APBB2: variants seen among roughly 807,000 people sequenced by gnomAD.
APBB2 encodes amyloid beta precursor protein binding family B member 2, also known as Fe65-like 1.
APBB2 carries 38 observed loss-of-function variants against 82.5 expected under a neutral mutation model. The observed-to-expected ratio is 0.46, with a 90% CI of 0.36 to 0.60. APBB2 has a LOEUF of 0.60. Ranked by LOEUF, APBB2 falls within the 20% of genes least tolerant of loss-of-function variation. The pLI, the probability that APBB2 is intolerant of heterozygous loss-of-function variation, is 0.00. For synonymous variants in APBB2, 341 were observed against 368.2 expected, an observed-to-expected ratio of 0.93 and a Z score of 0.85; for missense variants, 772 against 972.3, an observed-to-expected ratio of 0.79 and a Z score of 2.74.
At chr4:40,848,803 G>C (rs1200498765) in intron 12 of APBB2, 2 of 959,916 alleles carry the variant, frequency 2.1e-6, no homozygotes, top group Non-Finnish European at 2.5e-6. Flanking sequence ...CTTGCTGATC[G>C]GCTGCTTGGT....
chr4:40,930,420 A>ACT (rs1553865471), intron 10 of APBB2, among the ~76,000 whole-genome samples: 83 of 145,890 alleles, frequency 5.7e-4, no homozygotes, highest in African/African-American at 1.9e-3. Flanking sequence ...TCTTTGGGGA[A>ACT]GTGTGTGTGT....
intron 4 of APBB2, among the ~76,000 whole-genome samples, chr4:41,033,621 C>CACACACAA (rs3222357): frequency 2.3e-4 from 32 of 141,556 alleles, no homozygotes; most frequent in Admixed American, 9.3e-4. Flanking sequence ...CACACACACA[C>CACACACAA]AATTCAGCAC....
chr4:41,173,488 T>C (rs1768896571), intron 1 of APBB2, among the ~76,000 whole-genome samples: 1 of 152,158 alleles, frequency 6.6e-6, no homozygotes. Context: ...GGCAGAAAAC[T>C]ATACTTCAGA....
intron 6 of APBB2, among the ~76,000 whole-genome samples, chr4:40,968,151 C>T (rs1271477017): frequency 6.6e-6 from 1 of 152,148 alleles, no homozygotes; most frequent in African/African-American, 2.4e-5. Flanking sequence ...GTCATCTTCT[C>T]CCCATTTTAC....
At chr4:40,905,299 C>G (rs1299102852) in intron 10 of APBB2, among the ~76,000 whole-genome samples, 4 of 152,174 alleles carry the variant, frequency 2.6e-5, no homozygotes, top group Admixed American at 6.5e-5. Flanking sequence ...GAATACTAAC[C>G]CCATCCCCTG....
chr4:41,066,539 A>G (rs114225985), intron 3 of APBB2, among the ~76,000 whole-genome samples: 369 of 152,272 alleles, frequency 2.4e-3, no homozygotes, highest in African/African-American at 8.3e-3. Context: ...AATCATTGAG[A>G]TTCATATCAA....
chr4:40,843,651 T>C (rs1456098462), intron 12 of APBB2, among the ~76,000 whole-genome samples: 1 of 152,236 alleles, frequency 6.6e-6, no homozygotes, highest in Non-Finnish European at 1.5e-5. Flanking sequence ...TCTACCTCAG[T>C]ACTGAAGGAA....
chr4:41,113,030 T>C (rs1749764049), intron 2 of APBB2, among the ~76,000 whole-genome samples: 2 of 151,984 alleles, frequency 1.3e-5, no homozygotes, highest in Non-Finnish European at 2.9e-5. Context: ...AGGTTAGACA[T>C]ACCAGATATT....
At chr4:40,886,694 G>T (rs537278225) in intron 12 of APBB2, among the ~76,000 whole-genome samples, 1 of 152,168 alleles carries the variant, frequency 6.6e-6, no homozygotes, top group African/African-American at 2.4e-5. Context: ...AGATGAAAGG[G>T]AGCATTCGGT....
intron 1 of APBB2, among the ~76,000 whole-genome samples, chr4:41,166,573 CAAA>C (rs775152652): frequency 1.9e-5 from 2 of 107,262 alleles, no homozygotes. Context: ...GCGAGACTGT[CAAA>C]AAAAAAAAAA....
At chr4:40,851,495 T>C (rs1759339240) in intron 12 of APBB2, among the ~76,000 whole-genome samples, 1 of 152,114 alleles carries the variant, frequency 6.6e-6, no homozygotes, top group African/African-American at 2.4e-5. Context: ...AACAGATGCA[T>C]GCTCTGATAC....
chr4:41,187,926 A>C (rs948412973), intron 1 of APBB2, among the ~76,000 whole-genome samples: 4 of 152,242 alleles, frequency 2.6e-5, no homozygotes, highest in African/African-American at 9.6e-5. Flanking sequence ...ATTGAGATTT[A>C]TATATTTATA....
At chr4:41,039,541 T>C (rs1352321940) in intron 4 of APBB2, among the ~76,000 whole-genome samples, 1 of 152,212 alleles carries the variant, frequency 6.6e-6, no homozygotes, top group Non-Finnish European at 1.5e-5. Context: ...GCTTAGTGTC[T>C]AGCACATCTT....
At chr4:40,974,710 A>G (rs1796729613) in intron 6 of APBB2, among the ~76,000 whole-genome samples, 1 of 152,228 alleles carries the variant, frequency 6.6e-6, no homozygotes, top group Non-Finnish European at 1.5e-5. Context: ...TGATCAGAGA[A>G]TATCTACTGA....
At chr4:40,899,424 T>C (rs1560831956) in intron 10 of APBB2, among the ~76,000 whole-genome samples, 2 of 152,128 alleles carry the variant, frequency 1.3e-5, no homozygotes, top group Admixed American at 6.5e-5. Context: ...ATCTCTGAGT[T>C]TTATAATACA....
chr4:41,128,488 C>T (rs1755052015), intron 2 of APBB2, among the ~76,000 whole-genome samples: 1 of 152,232 alleles, frequency 6.6e-6, no homozygotes, highest in Non-Finnish European at 1.5e-5. Flanking sequence ...AAAAATCTAA[C>T]TGATCACCAA....
At chr4:41,122,626 A>C (rs962152087) in intron 2 of APBB2, among the ~76,000 whole-genome samples, 10 of 151,772 alleles carry the variant, frequency 6.6e-5, no homozygotes, top group Admixed American at 3.9e-4. Context: ...CTTTTATAAC[A>C]CTCTTAAAGC....
Position 40,816,067 on chromosome 4 carries a change from T to C in APBB2, c.*25A>G, listed in dbSNP as rs746953974. On this transcript the variant is annotated 3_prime_UTR_variant, in exon 18 of 18. Coordinates refer to ENST00000508593, the MANE Select transcript of APBB2 (RefSeq NM_004307.2). Reference sequence around the variant, plus strand: ...TGTAGCTAGTCAATCTTCAGGTAAATAGCCGAGTCCTTTTGCATGTGCAGC... The same window carrying C: ...TGTAGCTAGTCAATCTTCAGGTAAACAGCCGAGTCCTTTTGCATGTGCAGC... The C allele has an allele frequency of 1.9e-6, 3 of 1,602,704 alleles. No individual in the cohort carries two copies. Among genetic ancestry groups the C allele is most frequent in the Non-Finnish European group, 2.6e-6 (3 of 1,170,712 alleles).
Position 40,960,446 on chromosome 4 carries a change from G to GTTTTTTTTTTTTTTTTTTTT in APBB2, c.836-15374_836-15373insAAAAAAAAAAAAAAAAAAAA, listed in dbSNP as rs371607683. Among the ~76,000 whole-genome samples the GTTTTTTTTTTTTTTTTTTTT allele has an allele frequency of 6.6e-5, 8 of 120,544 alleles. 4 individuals carry two copies. Among genetic ancestry groups the GTTTTTTTTTTTTTTTTTTTT allele is most frequent in the Non-Finnish European group, 1.3e-4 (8 of 60,078 alleles). 79.1% of individuals were successfully genotyped at this position (120,544 alleles called of 152,430 possible). On this transcript the variant is annotated intron_variant, in intron 6 of 17. Coordinates refer to ENST00000508593, the MANE Select transcript of APBB2 (RefSeq NM_004307.2). ...CATCAAAAACAGAAATTTTTTTTCG[G>GTTTTTTTTTTTTTTTTTTTT]GTTTTTTTTTTTTTTTTTTGAGACG...
Sources: allele counts gnomAD v4.1 joint callset (sites outside exome capture counted in the v4.1 genomes callset), GRCh38; gene constraint gnomAD v4.1.1; transcripts MANE v1.5; gene names NCBI Gene and HGNC (gene_info 2026-07-23, HGNC 2026-07-21).